DMRTA1: variants seen among roughly 807,000 people sequenced by gnomAD.
DMRTA1 encodes DMRT like family A1.
In DMRTA1, 34 loss-of-function variants were observed where a neutral mutation model predicts 35.2. That is an observed-to-expected ratio of 0.97 (90% confidence interval 0.74 to 1.29). The LOEUF is 1.29. Among genes scored for constraint, DMRTA1 ranks in the 50% most tolerant of loss-of-function variants. The pLI, the probability that DMRTA1 is intolerant of heterozygous loss-of-function variation, is 0.00. For missense variants in DMRTA1, 824 were observed against 644.6 expected, an observed-to-expected ratio of 1.28 and a Z score of -3.01; for synonymous variants, 344 against 276.6, an observed-to-expected ratio of 1.24 and a Z score of -2.42.
chr9:22,451,646 C>T lies in DMRTA1; in HGVS notation c.1250C>T (p.Ala417Val), dbSNP rs1818930312. 6.2e-7 allele frequency: 1 copy of T among 1,613,966 alleles called. No homozygotes were observed. Among genetic ancestry groups the T allele is most frequent in the Admixed American group, 1.7e-5 (1 of 60,004 alleles). ...TTCTCTCCTCTTCAAACTACTTCTG[C>T]TTCTTATGGAGGTGATTCAAGTCTC... ...SAFSPLQTTS[A>V]SYGGDSSLYG... Residue 417 changes from alanine to valine, a missense_variant, in exon 2 of 2, where the codon GCT becomes GTT. Ala to Val is a moderately conservative substitution (Grantham distance 64). Coordinates refer to ENST00000325870, the MANE Select transcript of DMRTA1 (RefSeq NM_022160.3).
chr9:22,448,115 C>G (rs568462214), intron 1 of DMRTA1, among the ~76,000 whole-genome samples: 76 of 152,280 alleles, frequency 5.0e-4, no homozygotes, highest in African/African-American at 1.8e-3. Context: ...TGAGTCTGCT[C>G]TGTACTCTTT....
chr9:22,447,615 T>G lies in DMRTA1; in HGVS notation c.550T>G (p.Ser184Ala), dbSNP rs1271724570. The change falls in exon 1 of 2, where the codon TCC (serine) becomes GCC (alanine). Residue 184 changes from serine (S) to alanine (A), a missense_variant. Coordinates refer to ENST00000325870, the MANE Select transcript of DMRTA1 (RefSeq NM_022160.3). ...GGGGRAENPQ[S>A]TGGPAAGAAL... is the part of the protein sequence containing the mutation. ...CGGCGGCAGAGCCGAGAATCCACAG[T>G]CCACGGGCGGCCCTGCGGCGGGGGC... is the stretch of plus-strand genomic sequence containing the variant. The G allele has an allele frequency of 2.4e-5, 39 of 1,610,382 alleles. No individual in the cohort carries two copies. The highest frequency in any genetic ancestry group is 3.3e-5 in the Non-Finnish European group (39 of 1,179,336).
Position 22,447,526 on chromosome 9 carries a change from G to C in DMRTA1, c.461G>C (p.Arg154Pro), listed in dbSNP as rs1183366961. 6.3e-7 allele frequency: 1 copy of C among 1,577,822 alleles called. No homozygotes were observed. Among genetic ancestry groups the C allele is most frequent in the Non-Finnish European group, 8.6e-7 (1 of 1,162,992 alleles). Residue 154 changes from arginine (R) to proline (P), a missense_variant, in exon 1 of 2, where the codon CGG becomes CCG. Arg to Pro is a moderately radical substitution (Grantham distance 103). Transcript: ENST00000325870. Reference sequence around the variant, plus strand: ...CAGGCGCAGGAGGAGAGCGAAGCCCGGGGGCTACAGAGGCTCCTGTGCTCG... The same window carrying C: ...CAGGCGCAGGAGGAGAGCGAAGCCCCGGGGCTACAGAGGCTCCTGTGCTCG... The part of the protein sequence containing the change: ...RQQAQEESEA[R>P]GLQRLLCSGL...
rs1818976541 is a variant in DMRTA1, at chr9:22,454,439, C to T, written c.*2528C>T. ...AATATTTTTAATAATCTATTTGTGCCATGCACTGTGTTAGACACAAGAGAT... is the reference window on the plus strand; with the variant it reads ...AATATTTTTAATAATCTATTTGTGCTATGCACTGTGTTAGACACAAGAGAT... On this transcript the variant is annotated 3_prime_UTR_variant, in exon 2 of 2. Coordinates refer to ENST00000325870, the MANE Select transcript of DMRTA1 (RefSeq NM_022160.3). The T allele has an allele frequency of 6.6e-6, 1 of 152,072 alleles. No homozygotes were observed. Among genetic ancestry groups the T allele is most frequent in the African/African-American group, 2.4e-5 (1 of 41,404 alleles). The allele number at this position is 152,072 out of a possible 1,614,324, so 9.4% of individuals were successfully genotyped here.
Position 22,447,382 on chromosome 9 carries a change from T to G in DMRTA1, c.317T>G (p.Val106Gly). 1 of 1,552,166 alleles carries G rather than the reference T, an allele frequency of 6.4e-7. No homozygotes were observed. The highest frequency in any genetic ancestry group is 8.7e-7 in the Non-Finnish European group (1 of 1,151,582). ...GCCCGCTGTCGTAACCATGGTGTGG[T>G]GTCAGCGCTCAAGGGCCACAAGCGC... ...KCARCRNHGV[V>G]SALKGHKRFC... Residue 106 changes from valine (V) to glycine (G), a missense_variant, in exon 1 of 2, where the codon GTG becomes GGG. Transcript: ENST00000325870.
At chr9:22,449,621 T>C (rs1440102050) in intron 1 of DMRTA1, among the ~76,000 whole-genome samples, 1 of 152,136 alleles carries the variant, frequency 6.6e-6, no homozygotes, top group African/African-American at 2.4e-5. Context: ...AATGGAGGAC[T>C]AATGCTAATC....
rs1223956681 is a variant in DMRTA1, at chr9:22,453,640, CTT to C, written c.*1730_*1731del. 4 of 152,126 alleles carry C rather than the reference CTT, an allele frequency of 2.6e-5. No homozygotes were observed. Among genetic ancestry groups the C allele is most frequent in the Non-Finnish European group, 5.9e-5 (4 of 67,932 alleles). The allele number at this position is 152,126 out of a possible 1,614,324, so 9.4% of individuals were successfully genotyped here. A position where few individuals can be genotyped will look rare whatever the true frequency, so the allele number is the denominator to read the frequency against. ...ATTCATATATACTGAGTAAGAAACT[CTT>C]ATATATAATAGATCTCTTTGAGACT... On this transcript the variant is annotated 3_prime_UTR_variant, in exon 2 of 2. Transcript: ENST00000325870.
chr9:22,447,243 G>A lies in DMRTA1; in HGVS notation c.178G>A (p.Ala60Thr). The A allele has an allele frequency of 6.6e-7, 1 of 1,508,448 alleles. No homozygotes were observed. The highest frequency in any genetic ancestry group is 1.3e-5 in the South Asian group (1 of 79,458). The allele number at this position is 1,508,448 out of a possible 1,614,324, so 93.4% of individuals were successfully genotyped here. Residue 60 changes from alanine (A) to threonine (T), a missense_variant, in exon 1 of 2, where the codon GCG becomes ACG. Ala to Thr is a moderately conservative substitution (Grantham distance 58). Coordinates refer to ENST00000325870, the MANE Select transcript of DMRTA1 (RefSeq NM_022160.3). The stretch of plus-strand genomic sequence containing the variant: ...CAGCCTCTTTCTGCGAGCAGCGGCC[G>A]CGGCCGCCGCCGCCGCTGCCGCCAC... ...PPSLFLRAAA[A>T]AAAAAAATSG...
chr9:22,451,522 C>T lies in DMRTA1; in HGVS notation c.1126C>T (p.Leu376=). 6.2e-7 allele frequency: 1 copy of T among 1,614,138 alleles called. No individual in the cohort carries two copies. Among genetic ancestry groups the T allele is most frequent in the Admixed American group, 1.7e-5 (1 of 60,030 alleles). The change falls in exon 2 of 2, where the codon CTA becomes TTA. Residue 376 remains leucine, a synonymous_variant. Coordinates refer to ENST00000325870, the MANE Select transcript of DMRTA1 (RefSeq NM_022160.3). ...AGAACACAAGCCAGACAACAGGAAC[C>T]TAGCAAACTCAGAAGAACTGGAAAA... ...GKEHKPDNRN[L]ANSEELENTA... is the part of the protein sequence containing the mutation.
At position 22,455,123 on chromosome 9, in the gene DMRTA1, C is replaced by T. The variant is rs979556684; in HGVS notation, c.*3212C>T. 2 of 152,082 alleles carry T rather than the reference C, an allele frequency of 1.3e-5. No individual in the cohort carries two copies. The highest frequency in any genetic ancestry group is 2.4e-5 in the African/African-American group (1 of 41,406). The allele number at this position is 152,082 out of a possible 1,614,324, so 9.4% of individuals were successfully genotyped here. On this transcript the variant is annotated 3_prime_UTR_variant, in exon 2 of 2. Transcript: ENST00000325870. The stretch of plus-strand genomic sequence containing the variant: ...GTAGGCAGAAAAGAAAGACATAGAA[C>T]GCAGTGCGTGACTTACAAGGGAATA...
chr9:22,454,308 G>A lies in DMRTA1; in HGVS notation c.*2397G>A, dbSNP rs896534920. On this transcript the variant is annotated 3_prime_UTR_variant, in exon 2 of 2. Coordinates refer to ENST00000325870, the MANE Select transcript of DMRTA1 (RefSeq NM_022160.3). ...GTCTGTTTTTTTCATTCATGGCCTT[G>A]AACAGTGTCTGATATAGGTTCTCAA... 3.3e-5 allele frequency: 5 copies of A among 151,778 alleles called. No individual in the cohort carries two copies. Among genetic ancestry groups the A allele is most frequent in the African/African-American group, 1.2e-4 (5 of 41,318 alleles). 9.4% of individuals were successfully genotyped at this position (151,778 alleles called of 1,614,324 possible).
chr9:22,451,904 A>T lies in DMRTA1; in HGVS notation c.1508A>T (p.Asn503Ile). The T allele has an allele frequency of 6.2e-7, 1 of 1,613,828 alleles. No individual in the cohort carries two copies. Residue 503 changes from asparagine (N) to isoleucine (I), a missense_variant, in exon 2 of 2, where the codon AAT becomes ATT. Coordinates refer to ENST00000325870, the MANE Select transcript of DMRTA1 (RefSeq NM_022160.3). ...CTGTACTTCAGACCAAATCAGGACAATCCGTAATGTATATGCCCATTCTCT... is the reference window on the plus strand; with the variant it reads ...CTGTACTTCAGACCAAATCAGGACATTCCGTAATGTATATGCCCATTCTCT... ...GRLYFRPNQD[N>I]P
chr9:22,447,568 C>CA lies in DMRTA1; in HGVS notation c.503_504insA (p.Gly169ArgfsTer51). ...CTGTGCTCGGGGCTCTCCTGGCCCC[C>CA]CGGTGGTCGGGCATCCGGGGGCGGC... On this transcript the variant is annotated frameshift_variant, in exon 1 of 2. Coordinates refer to ENST00000325870, the MANE Select transcript of DMRTA1 (RefSeq NM_022160.3). LOFTEE classifies it high-confidence loss of function. 6.3e-7 allele frequency: 1 copy of CA among 1,598,096 alleles called. No homozygotes were observed. The highest frequency in any genetic ancestry group is 1.7e-5 in the Admixed American group (1 of 58,496).
At position 22,452,975 on chromosome 9, in the gene DMRTA1, A is replaced by C. The variant is rs1306907461; in HGVS notation, c.*1064A>C. On this transcript the variant is annotated 3_prime_UTR_variant, in exon 2 of 2. Coordinates refer to ENST00000325870, the MANE Select transcript of DMRTA1 (RefSeq NM_022160.3). ...AGATTTCCAAAGGGGAAAAACTGCC[A>C]TGAAGTTTCAGAGGTATTCTTGCAA... 1 of 152,148 alleles carries C rather than the reference A, an allele frequency of 6.6e-6. No homozygotes were observed. Among genetic ancestry groups the C allele is most frequent in the Non-Finnish European group, 1.5e-5 (1 of 67,970 alleles). 9.4% of individuals were successfully genotyped at this position (152,148 alleles called of 1,614,324 possible).
rs1251547587 is a variant in DMRTA1, at chr9:22,451,106, A to G, written c.710A>G (p.Glu237Gly). 22 of 1,613,732 alleles carry G rather than the reference A, an allele frequency of 1.4e-5. No individual in the cohort carries two copies. The highest frequency in any genetic ancestry group is 1.8e-5 in the Non-Finnish European group (21 of 1,179,918). Residue 237 changes from glutamate (E) to glycine (G), a missense_variant, in exon 2 of 2, where the codon GAA becomes GGA. Physicochemically the swap from Glu to Gly is moderately conservative, Grantham distance 98 (BLOSUM62 -2). Coordinates refer to ENST00000325870, the MANE Select transcript of DMRTA1 (RefSeq NM_022160.3). ...SKCESCQNGQ[E>G]ELISKSHQLY... is the part of the protein sequence containing the mutation. The stretch of plus-strand genomic sequence containing the variant: ...TGTGAGTCATGCCAGAATGGACAAG[A>G]AGAACTGATCTCCAAATCCCATCAG...
At position 22,451,177 on chromosome 9, in the gene DMRTA1, C is replaced by A; in HGVS notation, c.781C>A (p.Gln261Lys). 1.2e-6 allele frequency: 2 copies of A among 1,614,034 alleles called. No individual in the cohort carries two copies. Among genetic ancestry groups the A allele is most frequent in the South Asian group, 1.1e-5 (1 of 91,084 alleles). Reference sequence around the variant, plus strand: ...TAGGTCTAATGGTGTCATTGGGAAACAAAGTATCGGGTCATCTATTTCAGA... The same window carrying A: ...TAGGTCTAATGGTGTCATTGGGAAAAAAAGTATCGGGTCATCTATTTCAGA... Reference protein sequence around the residue: ...SSRSNGVIGKQSIGSSISEYS... With the variant: ...SSRSNGVIGKKSIGSSISEYS... The change falls in exon 2 of 2, where the codon CAA (glutamine) becomes AAA (lysine). Residue 261 changes from glutamine (Q) to lysine (K), a missense_variant. Coordinates refer to ENST00000325870, the MANE Select transcript of DMRTA1 (RefSeq NM_022160.3).
rs1007553009 is a variant in DMRTA1 at position 22,454,210 on chromosome 9, A to G, written c.*2299A>G. On this transcript the variant is annotated 3_prime_UTR_variant, in exon 2 of 2. Coordinates refer to ENST00000325870, the MANE Select transcript of DMRTA1 (RefSeq NM_022160.3). ...GTTTTTTCTCCCTAAGGTTAGTAAT[A>G]TGAGTCATCTGCAGTGGAATTACTG... 2 of 152,142 alleles carry G rather than the reference A, an allele frequency of 1.3e-5. No homozygotes were observed. The highest frequency in any genetic ancestry group is 4.8e-5 in the African/African-American group (2 of 41,528). The allele number at this position is 152,142 out of a possible 1,614,324, so 9.4% of individuals were successfully genotyped here. A position where few individuals can be genotyped will look rare whatever the true frequency, so the allele number is the denominator to read the frequency against.
In DMRTA1 at chr9:22,454,344, A is replaced by G. The variant is rs1385874418; in HGVS notation, c.*2433A>G. On this transcript the variant is annotated 3_prime_UTR_variant, in exon 2 of 2. Coordinates refer to ENST00000325870, the MANE Select transcript of DMRTA1 (RefSeq NM_022160.3). ...GATATAGGTTCTCAACCTATACACT[A>G]GATTTCCACTGACTGAAAAAAAATA... The G allele has an allele frequency of 6.6e-6, 1 of 152,104 alleles. No homozygotes were observed. The highest frequency in any genetic ancestry group is 1.5e-5 in the Non-Finnish European group (1 of 67,976). The allele number at this position is 152,104 out of a possible 1,614,324, so 9.4% of individuals were successfully genotyped here.
Position 22,451,806 on chromosome 9 carries a change from G to A in DMRTA1, c.1410G>A (p.Leu470=). ...CAACCTTACCTTTTCGGCCAGCTTT[G>A]GATTATGCCTTTTCAGGGATGATTA... is the stretch of plus-strand genomic sequence containing the variant. ...LVPTLPFRPA[L]DYAFSGMIRD... The change falls in exon 2 of 2, where the codon TTG becomes TTA. Residue 470 remains leucine (L), a synonymous_variant. Coordinates refer to ENST00000325870, the MANE Select transcript of DMRTA1 (RefSeq NM_022160.3). The A allele has an allele frequency of 6.2e-7, 1 of 1,613,976 alleles. No homozygotes were observed. Among genetic ancestry groups the A allele is most frequent in the East Asian group, 2.2e-5 (1 of 44,872 alleles).
Sources: allele counts gnomAD v4.1 joint callset (sites outside exome capture counted in the v4.1 genomes callset), GRCh38; gene constraint gnomAD v4.1.1; transcripts MANE v1.5; gene names NCBI Gene and HGNC (gene_info 2026-07-23, HGNC 2026-07-21).